Variants in STAM2 observed in about 807,000 individuals in gnomAD.
STAM2 encodes signal transducing adaptor molecule 2, also known as signal transducing adapter molecule 2.
In STAM2, 51 loss-of-function variants were observed where a neutral mutation model predicts 65.6. That is an observed-to-expected ratio of 0.78 (90% CI 0.62 to 0.98). STAM2 has a LOEUF of 0.98. Ranked by LOEUF, STAM2 falls within the 50% of genes least tolerant of loss-of-function variation. STAM2 has a pLI of 0.00. For synonymous variants in STAM2, 198 were observed against 208.4 expected (o/e 0.95, Z 0.43); for missense variants, 584 against 617.8 (o/e 0.95, Z 0.58).
chr2:152,131,939 C>CA, intron 11 of STAM2, 175 bp downstream of exon 11: 2 of 561,230 alleles, frequency 3.6e-6, no homozygotes. Flanking sequence ...TTTAGAAAAA[C>CA]AAAAACAAGA....
chr2:152,170,196 A>G (rs1360920165), intron 1 of STAM2, among the ~76,000 whole-genome samples: 2 of 150,108 alleles, frequency 1.3e-5, no homozygotes, highest in East Asian at 4.0e-4. Context: ...AGAATTTTGC[A>G]CTCCACTGGG....
intron 1 of STAM2, among the ~76,000 whole-genome samples, chr2:152,163,852 T>C (rs1689729757): frequency 1.3e-5 from 2 of 152,150 alleles, no homozygotes; most frequent in Admixed American, 1.3e-4. Flanking sequence ...CTTACTAGGA[T>C]TGGGAAACTC....
chr2:152,147,378 A>T, intron 4 of STAM2, 70 bp from the exon 5 acceptor site: 1 of 1,356,456 alleles, frequency 7.4e-7, no homozygotes, highest in Non-Finnish European at 9.8e-7. Context: ...TTATTTAACA[A>T]GGAGAATTAC....
At chr2:152,161,461 C>A (rs1452206793) in intron 1 of STAM2, among the ~76,000 whole-genome samples, 1 of 143,884 alleles carries the variant, frequency 7.0e-6, no homozygotes, top group Admixed American at 7.2e-5. Flanking sequence ...CCTGCCAAAT[C>A]CCCCTCTGCG....
chr2:152,165,582 G>A (rs1163878478), intron 1 of STAM2, among the ~76,000 whole-genome samples: 2 of 152,130 alleles, frequency 1.3e-5, no homozygotes, highest in Non-Finnish European at 2.9e-5. Flanking sequence ...AGTACTGTCA[G>A]GCTTCAGGGG....
At chr2:152,173,376 ATATATATATATG>A (rs1248327681) in intron 1 of STAM2, among the ~76,000 whole-genome samples, 54 of 96,672 alleles carry the variant, frequency 5.6e-4, no homozygotes, top group Middle Eastern at 4.7e-3. Flanking sequence ...ATATATACAT[ATATATATATATG>A]TATACATATA....
Position 152,147,273 on chromosome 2 carries a change from T to C in STAM2, c.336A>G (p.Leu112=), listed in dbSNP as rs1689352411. The C allele has an allele frequency of 1.2e-6, 2 of 1,602,684 alleles. No individual in the cohort carries two copies. The highest frequency in any genetic ancestry group is 1.3e-5 in the African/African-American group (1 of 74,262). ...GAAATTCTTCTGACCACTCCACCAT[T>C]AAAGATTTCAGTTTTTCACATACTT... ...HPKVCEKLKS[L]MVEWSEEFQK... The change falls in exon 5 of 14, where the codon TTA becomes TTG. Residue 112 remains leucine, a synonymous_variant. Coordinates refer to ENST00000263904, the MANE Select transcript of STAM2 (RefSeq NM_005843.6).
intron 1 of STAM2, among the ~76,000 whole-genome samples, chr2:152,162,365 G>T (rs567879410): frequency 6.6e-6 from 1 of 152,022 alleles, no homozygotes; most frequent in East Asian, 1.9e-4. Flanking sequence ...TGAGAGTCCA[G>T]GAGTTCAAGA....
intron 2 of STAM2, among the ~76,000 whole-genome samples, chr2:152,149,148 T>C (rs1689392560): frequency 6.6e-6 from 1 of 152,148 alleles, no homozygotes; most frequent in Non-Finnish European, 1.5e-5. Context: ...TTGAAGACTT[T>C]TTTGTTATAT....
chr2:152,148,573 G>A (rs748005204), intron 2 of STAM2, among the ~76,000 whole-genome samples: 2 of 152,168 alleles, frequency 1.3e-5, no homozygotes, highest in African/African-American at 2.4e-5. Flanking sequence ...AGGAGGCTGA[G>A]GCAAGAGGAC....
chr2:152,164,770 TAGG>T (rs1689746623), intron 1 of STAM2, among the ~76,000 whole-genome samples: 1 of 152,152 alleles, frequency 6.6e-6, no homozygotes, highest in African/African-American at 2.4e-5. Context: ...CTGGGGCGAC[TAGG>T]AGGAGTTGAG....
intron 1 of STAM2, among the ~76,000 whole-genome samples, chr2:152,157,122 G>A (rs1423324467): frequency 6.6e-6 from 1 of 152,114 alleles, no homozygotes; most frequent in Non-Finnish European, 1.5e-5. Flanking sequence ...ACTAGCCCAA[G>A]TAGAGAAGGA....
At chr2:152,137,605 A>T (rs1376705714) in intron 7 of STAM2, among the ~76,000 whole-genome samples, 1 of 152,214 alleles carries the variant, frequency 6.6e-6, no homozygotes, top group African/African-American at 2.4e-5. Flanking sequence ...TTAACTGTAC[A>T]GTGGTTTTTT....
At chr2:152,148,694 CTAAAA>C (rs1195934971) in intron 2 of STAM2, among the ~76,000 whole-genome samples, 3 of 151,710 alleles carry the variant, frequency 2.0e-5, no homozygotes, top group African/African-American at 7.3e-5. Flanking sequence ...ATAAACTAAA[CTAAAA>C]TCCTGGAAAT....
chr2:152,160,173 T>C (rs1372546214), intron 1 of STAM2, among the ~76,000 whole-genome samples: 2 of 150,928 alleles, frequency 1.3e-5, no homozygotes, highest in African/African-American at 4.9e-5. Flanking sequence ...GTGAGGAGCG[T>C]CTCTGCCTGG....
rs1389474008 is a variant in STAM2, at chr2:152,133,223, A to G, written c.920T>C (p.Ile307Thr). Residue 307 changes from isoleucine to threonine, a missense_variant, in exon 10 of 14, where the codon ATA (isoleucine) becomes ACA (threonine). Transcript: ENST00000263904. ...MDRALQVLQSIDPTDSKPDSQ... is the reference protein window; with the variant it reads ...MDRALQVLQSTDPTDSKPDSQ... ...GTCTGGTTTTGAATCTGTTGGATCT[A>G]TACTCTGAAGTACCTGCAGGGCTCT... The G allele has an allele frequency of 1.2e-6, 2 of 1,610,376 alleles. No individual in the cohort carries two copies. The highest frequency in any genetic ancestry group is 2.2e-5 in the East Asian group (1 of 44,712).
chr2:152,171,586 C>T (rs1689899685), intron 1 of STAM2, among the ~76,000 whole-genome samples: 1 of 152,230 alleles, frequency 6.6e-6, no homozygotes, highest in African/African-American at 2.4e-5. Flanking sequence ...GACTGCATGA[C>T]TGCATTTCAC....
rs1232876410 is a variant in STAM2 at position 152,143,910 on chromosome 2, C to G, written c.621G>C (p.Val207=). 6 of 1,613,650 alleles carry G rather than the reference C, an allele frequency of 3.7e-6. No homozygotes were observed. In the East Asian group the frequency reaches 8.9e-5, roughly 24 times the overall value. ...CAGCTTCAAAATCATATAAAGCTCT[C>G]ACTTTCCGTGCAACCTTATTATTTA... ...IQLNNKVARK[V]RALYDFEAVE... Residue 207 remains valine, a synonymous_variant, in exon 7 of 14, where the codon GTG becomes GTC. Coordinates refer to ENST00000263904, the MANE Select transcript of STAM2 (RefSeq NM_005843.6).
chr2:152,143,183 T>C (rs1387223513), intron 7 of STAM2, among the ~76,000 whole-genome samples: 1 of 152,202 alleles, frequency 6.6e-6, no homozygotes, highest in Non-Finnish European at 1.5e-5. Context: ...ATCTACCCTT[T>C]ATTTAAAAAA....
Sources: gnomAD v4.1 joint callset for allele counts (sites outside exome capture counted in the v4.1 genomes callset) on GRCh38, gnomAD v4.1.1 for gene constraint, MANE v1.5 for transcripts, NCBI Gene and HGNC (gene_info 2026-07-23, HGNC 2026-07-21) for gene names.